PRKD1: variants seen among roughly 807,000 people sequenced by gnomAD.
PRKD1 encodes protein kinase D1.
A neutral mutation model predicts 95.9 loss-of-function variants in PRKD1; 63 were observed. The ratio of observed to expected loss-of-function variants is 0.66; its 90% CI spans 0.54 to 0.81. PRKD1 has a LOEUF of 0.81. Among genes scored for constraint, PRKD1 ranks in the 30% least tolerant of loss-of-function variants. The pLI, the probability that PRKD1 is intolerant of heterozygous loss-of-function variation, is 0.00. For synonymous variants in PRKD1, 425 were observed against 423.1 expected, an observed-to-expected ratio of 1.00 and a Z score of -0.05; for missense variants, 1,048 against 1,165.3, an observed-to-expected ratio of 0.90 and a Z score of 1.47.
chr14:29,689,113 T>C (rs961409431), intron 2 of PRKD1, among the ~76,000 whole-genome samples: 3 of 151,376 alleles, frequency 2.0e-5, no homozygotes, highest in East Asian at 1.9e-4. Flanking sequence ...AAATGACAAA[T>C]AGGATCTAAT....
At chr14:29,761,081 C>A (rs1041731020) in intron 1 of PRKD1, among the ~76,000 whole-genome samples, 4 of 152,160 alleles carry the variant, frequency 2.6e-5, no homozygotes, top group Non-Finnish European at 5.9e-5. Flanking sequence ...GCTAGGGCTA[C>A]AAGTACATAC....
At chr14:29,829,919 A>C (rs1340342945) in intron 1 of PRKD1, among the ~76,000 whole-genome samples, 1 of 152,240 alleles carries the variant, frequency 6.6e-6, no homozygotes, top group Non-Finnish European at 1.5e-5. Context: ...GACAGATTTC[A>C]TAGAAAGTGC....
intron 1 of PRKD1, among the ~76,000 whole-genome samples, chr14:29,779,343 A>G (rs915195182): frequency 2.0e-5 from 3 of 152,174 alleles, no homozygotes; most frequent in Non-Finnish European, 4.4e-5. Flanking sequence ...GAGGAAGTCA[A>G]ATTGTCCCTG....
intron 2 of PRKD1, among the ~76,000 whole-genome samples, chr14:29,683,443 A>G (rs986680066): frequency 9.9e-5 from 15 of 152,174 alleles, no homozygotes; most frequent in African/African-American, 3.6e-4. Flanking sequence ...AAGTGGAAAA[A>G]GTCCAGCAGA....
Position 29,711,740 on chromosome 14 carries a change from T to C in PRKD1, c.403+13796A>G, listed in dbSNP as rs1181466641. Among the ~76,000 whole-genome samples, 2 of 152,150 alleles carry C rather than the reference T, an allele frequency of 1.3e-5. 1 individual carries two copies. The highest frequency in any genetic ancestry group is 3.9e-4 in the East Asian group (2 of 5,190). ...ACCACAGCTTACAGTCCTTGTTCTT[T>C]AGTACTGTTAATCTTGATGGAGACG... On this transcript the variant is annotated intron_variant, in intron 2 of 17. Coordinates refer to ENST00000331968, the MANE Select transcript of PRKD1 (RefSeq NM_002742.3).
chr14:29,859,601 C>G (rs1463564341), intron 1 of PRKD1, among the ~76,000 whole-genome samples: 1 of 132,306 alleles, frequency 7.6e-6, no homozygotes, highest in Non-Finnish European at 1.5e-5. Context: ...GAGCAAGACT[C>G]TGTCTCAAAA....
chr14:29,688,024 A>G (rs772992773), intron 2 of PRKD1, among the ~76,000 whole-genome samples: 4 of 152,232 alleles, frequency 2.6e-5, no homozygotes, highest in Non-Finnish European at 4.4e-5. Flanking sequence ...CAGAAGTCCA[A>G]AATGGGTCTC....
chr14:29,890,093 GCTA>G (rs1042381856), intron 1 of PRKD1, among the ~76,000 whole-genome samples: 8 of 152,066 alleles, frequency 5.3e-5, no homozygotes, highest in East Asian at 3.9e-4. Context: ...TTATATTATT[GCTA>G]CTACATTTTA....
At chr14:29,584,922 AC>A (rs1396457577) in intron 16 of PRKD1, among the ~76,000 whole-genome samples, 4 of 152,182 alleles carry the variant, frequency 2.6e-5, no homozygotes, top group African/African-American at 9.7e-5. Flanking sequence ...AAGACACAGT[AC>A]ATTTTCCCCC....
intron 2 of PRKD1, among the ~76,000 whole-genome samples, chr14:29,719,812 C>T (rs1395605994): frequency 6.6e-6 from 1 of 152,156 alleles, no homozygotes; most frequent in Admixed American, 6.6e-5. Context: ...CTGGATCATC[C>T]TCTCAGACAA....
At chr14:29,661,475 T>A (rs911936914) in intron 4 of PRKD1, among the ~76,000 whole-genome samples, 1 of 152,110 alleles carries the variant, frequency 6.6e-6, no homozygotes, top group Non-Finnish European at 1.5e-5. Context: ...GGCATGGTAC[T>A]CCCCGTGTGC....
At chr14:29,578,407 G>T in intron 16 of PRKD1, 47 bp from the exon 17 acceptor site, 2 of 1,359,832 alleles carry the variant, frequency 1.5e-6, no homozygotes, top group South Asian at 1.2e-5. Context: ...TGTAACATAT[G>T]CATAATTCAT....
At chr14:29,631,500 CTT>C (rs370333345) in intron 9 of PRKD1, among the ~76,000 whole-genome samples, 7 of 140,252 alleles carry the variant, frequency 5.0e-5, no homozygotes, top group Admixed American at 1.4e-4. Flanking sequence ...TTAAAATGGT[CTT>C]TTTTTTTTTT....
intron 2 of PRKD1, among the ~76,000 whole-genome samples, chr14:29,677,512 A>C (rs913694436): frequency 1.3e-5 from 2 of 152,154 alleles, no homozygotes; most frequent in Admixed American, 6.5e-5. Context: ...TGTTAACTCC[A>C]TTTGCAAAGA....
chr14:29,578,223 A>G (rs1892627980), intron 17 of PRKD1, 52 bp downstream of exon 17: 1 of 1,282,382 alleles, frequency 7.8e-7, no homozygotes, highest in South Asian at 1.4e-5. Context: ...TCAAAATCCT[A>G]TAAATATTTA....
intron 1 of PRKD1, among the ~76,000 whole-genome samples, chr14:29,768,653 A>G (rs1888369049): frequency 6.6e-6 from 1 of 151,892 alleles, no homozygotes; most frequent in Admixed American, 6.6e-5. Flanking sequence ...AAATATTTTA[A>G]GGCTTAGTAT....
chr14:29,679,384 C>A (rs766304850), intron 2 of PRKD1, among the ~76,000 whole-genome samples: 3 of 152,164 alleles, frequency 2.0e-5, no homozygotes, highest in Non-Finnish European at 4.4e-5. Flanking sequence ...TTGCATCTAA[C>A]CTTCAATTTT....
At chr14:29,622,077 G>A (rs953437461) in intron 13 of PRKD1, among the ~76,000 whole-genome samples, 1 of 152,098 alleles carries the variant, frequency 6.6e-6, no homozygotes, top group African/African-American at 2.4e-5. Flanking sequence ...TTTTCCATGG[G>A]AGCATGGAGG....
intron 1 of PRKD1, among the ~76,000 whole-genome samples, chr14:29,774,643 G>C (rs873949): frequency 0.19 from 29,455 of 152,096 alleles, 3,042 homozygotes; most frequent in South Asian, 0.27. Flanking sequence ...TGACATTATT[G>C]TGCATTTTTT....
Sources: allele counts gnomAD v4.1 joint callset (sites outside exome capture counted in the v4.1 genomes callset), GRCh38; gene constraint gnomAD v4.1.1; transcripts MANE v1.5; gene names NCBI Gene and HGNC (gene_info 2026-07-23, HGNC 2026-07-21).